ANKRD30BL: variants seen among roughly 807,000 people sequenced by gnomAD.
The protein encoded by ANKRD30BL is ankyrin repeat domain 30B like.
Under a neutral mutation model 18.4 loss-of-function variants are expected in ANKRD30BL, and 20 were observed. The observed-to-expected ratio is 1.09, with a 90% CI of 0.77 to 1.58. ANKRD30BL has a LOEUF of 1.58. ANKRD30BL is among the 40% of genes most tolerant of loss of function. ANKRD30BL has a pLI of 0.00. For synonymous variants in ANKRD30BL, 72 were observed against 100.9 expected, an observed-to-expected ratio of 0.71 and a Z score of 1.72; for missense variants, 224 against 268.6, an observed-to-expected ratio of 0.83 and a Z score of 1.16.
chr2:132,230,364 T>A (rs1436809890), intron 1 of ANKRD30BL, among the ~76,000 whole-genome samples: 1 of 151,888 alleles, frequency 6.6e-6, no homozygotes, highest in Non-Finnish European at 1.5e-5. Context: ...TACATTCAAC[T>A]CACAGAGTTG....
intron 1 of ANKRD30BL, among the ~76,000 whole-genome samples, chr2:132,212,347 T>C (rs941915846): frequency 1.3e-5 from 2 of 151,996 alleles, no homozygotes; most frequent in African/African-American, 4.8e-5. Flanking sequence ...CTTTGTGATA[T>C]GTGCATGCAT....
At position 132,188,312 on chromosome 2, in the gene ANKRD30BL, C is replaced by A. The variant is rs542504808; in HGVS notation, n.442-31166G>T. Among the ~76,000 whole-genome samples the A allele has an allele frequency of 8.5e-3, 1,296 of 152,116 alleles. 22 individuals carry two copies. The highest frequency in any genetic ancestry group is 0.029 in the African/African-American group (1,182 of 41,404). ...GTGAACACCAAAAGCCAATAATTTTCGAATCTCAAAATAGTGGAATGTTTA... is the reference window on the plus strand; with the variant it reads ...GTGAACACCAAAAGCCAATAATTTTAGAATCTCAAAATAGTGGAATGTTTA... On this transcript the variant is annotated intron_variant and non_coding_transcript_variant, in intron 1 of 4. Coordinates refer to the ANKRD30BL transcript ENST00000470729.
chr2:132,237,160 G>T (rs78044254), intron 1 of ANKRD30BL, among the ~76,000 whole-genome samples: 1 of 151,982 alleles, frequency 6.6e-6, no homozygotes, highest in Admixed American at 6.6e-5. Context: ...ACCATTGGGA[G>T]ATATACCTAA....
At chr2:132,236,926 C>T (rs541356049) in intron 1 of ANKRD30BL, among the ~76,000 whole-genome samples, 23 of 151,678 alleles carry the variant, frequency 1.5e-4, no homozygotes, top group Admixed American at 5.3e-4. Context: ...ACATATACAC[C>T]ATGGAATACT....
Position 132,161,624 on chromosome 2 carries a change from T to G in ANKRD30BL, c.82A>C (p.Asn28His). 6.9e-7 allele frequency: 1 copy of G among 1,452,936 alleles called. No homozygotes were observed. The allele number at this position is 1,452,936 out of a possible 1,614,324, so 90.0% of individuals were successfully genotyped here. Residue 28 changes from asparagine (N) to histidine (H), a missense_variant, in exon 1 of 6, where the codon AAC (asparagine) becomes CAC (histidine). By Grantham distance (68) the Asn-to-His change is moderately conservative. Coordinates refer to ENST00000409867, the MANE Select transcript of ANKRD30BL (RefSeq NM_001358416.1). Reference sequence around the variant, plus strand: ...TGGTGAATCACGTAAGAGTCGTTGTTGGTGTAGACCAGCTGACTGAAGGGG... The same window carrying G: ...TGGTGAATCACGTAAGAGTCGTTGTGGGTGTAGACCAGCTGACTGAAGGGG... Reference protein sequence around the residue: ...PSPFSQLVYTNNDSYVIHHGD... With the variant: ...PSPFSQLVYTHNDSYVIHHGD...
chr2:132,197,402 A>C (rs935567277), intron 1 of ANKRD30BL, among the ~76,000 whole-genome samples: 1 of 151,908 alleles, frequency 6.6e-6, no homozygotes, highest in Non-Finnish European at 1.5e-5. Context: ...TGATTTCTTC[A>C]AAAAAAGTCT....
chr2:132,211,935 C>G (rs1310609676), intron 1 of ANKRD30BL, among the ~76,000 whole-genome samples: 1 of 151,478 alleles, frequency 6.6e-6, no homozygotes, highest in African/African-American at 2.4e-5. Context: ...CAGAATCATT[C>G]CGACAAACTT....
At chr2:132,252,798 G>A (rs1680693039) in intron 1 of ANKRD30BL, among the ~76,000 whole-genome samples, 1 of 152,072 alleles carries the variant, frequency 6.6e-6, no homozygotes, top group Non-Finnish European at 1.5e-5. Context: ...CAGGGCCAAT[G>A]AACCCCACAC....
At chr2:132,244,495 C>CT (rs1558738165) in intron 1 of ANKRD30BL, among the ~76,000 whole-genome samples, 1 of 152,304 alleles carries the variant, frequency 6.6e-6, no homozygotes, top group Non-Finnish European at 1.5e-5. Context: ...TTGAACATTC[C>CT]TTTTCATAGA....
intron 1 of ANKRD30BL, among the ~76,000 whole-genome samples, chr2:132,216,287 CTCTT>C: frequency 6.6e-6 from 1 of 152,034 alleles, no homozygotes; most frequent in African/African-American, 2.4e-5. Context: ...TCTTGAAACT[CTCTT>C]TTTGTAGAAT....
At chr2:132,228,741 T>A (rs1573867731) in intron 1 of ANKRD30BL, among the ~76,000 whole-genome samples, 2 of 144,722 alleles carry the variant, frequency 1.4e-5, no homozygotes, top group African/African-American at 5.8e-5. Flanking sequence ...TTGGAGTGCT[T>A]TGTGGCCTAT....
At chr2:132,197,895 T>C (rs1234386524) in intron 1 of ANKRD30BL, among the ~76,000 whole-genome samples, 1 of 152,032 alleles carries the variant, frequency 6.6e-6, no homozygotes, top group African/African-American at 2.4e-5. Context: ...CAGCAATGTT[T>C]CTTCTGGCCT....
intron 1 of ANKRD30BL, among the ~76,000 whole-genome samples, chr2:132,216,253 T>C (rs1558937902): frequency 2.0e-5 from 3 of 152,082 alleles, no homozygotes; most frequent in Admixed American, 2.0e-4. Flanking sequence ...CTCAGGGAAT[T>C]GAAACTTACT....
intron 1 of ANKRD30BL, among the ~76,000 whole-genome samples, chr2:132,226,988 A>G (rs910924747): frequency 1.2e-4 from 18 of 152,104 alleles, no homozygotes; most frequent in Admixed American, 1.3e-4. Context: ...AGAATCTGTA[A>G]GTGGACATTT....
rs550426692 is a variant in ANKRD30BL, at chr2:132,183,844, C to T, written n.442-26698G>A. ...CGTGGGATGTAATTCTCCCTTATCT[C>T]CTCCACATAGTGGTATTGAATTAAT... is the stretch of plus-strand genomic sequence containing the variant. On this transcript the variant is annotated intron_variant and non_coding_transcript_variant, in intron 1 of 4. Coordinates refer to the ANKRD30BL transcript ENST00000470729. Among the ~76,000 whole-genome samples the T allele has an allele frequency of 8.5e-5, 13 of 152,086 alleles. No homozygotes were observed. The East Asian group carries it at 2.1e-3, about 25-fold the overall frequency.
chr2:132,183,205 C>T (rs1210467128), intron 1 of ANKRD30BL, among the ~76,000 whole-genome samples: 5 of 150,770 alleles, frequency 3.3e-5, no homozygotes, highest in South Asian at 2.1e-4. Flanking sequence ...AATCTCGGCT[C>T]GTTGTGACCT....
intron 1 of ANKRD30BL, among the ~76,000 whole-genome samples, chr2:132,215,939 C>A (rs1311421815): frequency 6.6e-6 from 1 of 151,426 alleles, no homozygotes; most frequent in Non-Finnish European, 1.5e-5. Context: ...CAGAGTTGAA[C>A]CTTTCTTTTG....
chr2:132,257,128 G>A (rs144811970), intron 1 of ANKRD30BL: 2 of 467,592 alleles, frequency 4.3e-6, no homozygotes, highest in Non-Finnish European at 8.5e-6. Context: ...AGGACCCCGA[G>A]GTGACCTCAG....
chr2:132,184,125 T>G (rs1688522657), intron 1 of ANKRD30BL, among the ~76,000 whole-genome samples: 1 of 151,844 alleles, frequency 6.6e-6, no homozygotes, highest in African/African-American at 2.4e-5. Flanking sequence ...CCAAGATGAG[T>G]GCAGTGATAT....
Sources: allele counts gnomAD v4.1 joint callset (sites outside exome capture counted in the v4.1 genomes callset), GRCh38; gene constraint gnomAD v4.1.1; transcripts MANE v1.5; gene names NCBI Gene and HGNC (gene_info 2026-07-23, HGNC 2026-07-21).